The following DTNB variants were observed in gnomAD, a reference collection of about 807,000 sequenced individuals.
DTNB encodes the protein dystrobrevin beta, also known as DTN-B.
DTNB carries 63 observed loss-of-function variants against 90.7 expected under a neutral mutation model. That is an observed-to-expected ratio of 0.69 (90% confidence interval 0.57 to 0.86). The LOEUF (loss-of-function observed/expected upper bound fraction) is 0.86, where lower values mean the gene tolerates loss of function less well. Ranked by LOEUF, DTNB falls within the 40% of genes least tolerant of loss-of-function variation. The pLI is 0.00. For missense variants in DTNB, 744 were observed against 807.1 expected (o/e 0.92, Z 0.95); for synonymous variants, 277 against 286.7 (o/e 0.97, Z 0.34).
chr2:25,602,248 C>T (rs1358970811), intron 5 of DTNB, among the ~76,000 whole-genome samples: 1 of 152,180 alleles, frequency 6.6e-6, no homozygotes, highest in African/African-American at 2.4e-5. Flanking sequence ...CAGGAACCAC[C>T]TGAGACAAGG....
At chr2:25,491,834 A>G (rs2067573028) in intron 9 of DTNB, among the ~76,000 whole-genome samples, 1 of 151,930 alleles carries the variant, frequency 6.6e-6, no homozygotes. Flanking sequence ...AACATTTTCC[A>G]TGGATTCACT....
At chr2:25,507,526 G>A (rs2150637724) in intron 9 of DTNB, among the ~76,000 whole-genome samples, 1 of 152,196 alleles carries the variant, frequency 6.6e-6, no homozygotes, top group African/African-American at 2.4e-5. Flanking sequence ...TCACTCTCCA[G>A]TATTTGTCAG....
intron 16 of DTNB, among the ~76,000 whole-genome samples, chr2:25,403,009 T>C (rs1281547639): frequency 6.6e-6 from 1 of 152,164 alleles, no homozygotes; most frequent in Non-Finnish European, 1.5e-5. Context: ...AAAAAGAAAA[T>C]TGGAAAGTAA....
At chr2:25,544,434 A>G (rs1156345093) in intron 8 of DTNB, among the ~76,000 whole-genome samples, 3 of 152,238 alleles carry the variant, frequency 2.0e-5, no homozygotes, top group South Asian at 2.1e-4. Flanking sequence ...CATTGGGAAC[A>G]TAACAGCCTA....
At chr2:25,496,961 AG>A (rs1319717235) in intron 9 of DTNB, among the ~76,000 whole-genome samples, 2 of 152,226 alleles carry the variant, frequency 1.3e-5, no homozygotes, top group African/African-American at 4.8e-5. Context: ...CCAGTGCTTA[AG>A]GTGGCAAAAA....
intron 2 of DTNB, among the ~76,000 whole-genome samples, chr2:25,646,071 C>G (rs2079368720): frequency 6.6e-6 from 1 of 152,160 alleles, no homozygotes; most frequent in Non-Finnish European, 1.5e-5. Context: ...AGCCAGGGCT[C>G]TTTTAAAATT....
chr2:25,470,768 C>A (rs545677839), intron 10 of DTNB, among the ~76,000 whole-genome samples: 1 of 152,222 alleles, frequency 6.6e-6, no homozygotes, highest in South Asian at 2.1e-4. Flanking sequence ...TATAACAGTA[C>A]TCTAAATGCC....
At chr2:25,586,285 C>A (rs1035273911) in intron 6 of DTNB, among the ~76,000 whole-genome samples, 1 of 151,428 alleles carries the variant, frequency 6.6e-6, no homozygotes, top group African/African-American at 2.4e-5. Flanking sequence ...CTGAGGCAGG[C>A]GGATCACTTG....
chr2:25,447,292 T>C (rs1344781516), intron 12 of DTNB, among the ~76,000 whole-genome samples: 1 of 152,220 alleles, frequency 6.6e-6, no homozygotes, highest in Admixed American at 6.5e-5. Flanking sequence ...AGCAGAAATT[T>C]ATACTGTGCT....
intron 8 of DTNB, among the ~76,000 whole-genome samples, chr2:25,560,916 TA>T (rs2058164500): frequency 1.3e-5 from 2 of 152,180 alleles, no homozygotes; most frequent in South Asian, 4.1e-4. Flanking sequence ...ATATATCTGT[TA>T]ATACATATGT....
At chr2:25,628,887 C>T (rs1407367515) in intron 3 of DTNB, among the ~76,000 whole-genome samples, 1 of 152,180 alleles carries the variant, frequency 6.6e-6, no homozygotes, top group Non-Finnish European at 1.5e-5. Flanking sequence ...CTCTGAACAA[C>T]TCATAGCTCA....
intron 8 of DTNB, among the ~76,000 whole-genome samples, chr2:25,550,491 T>C (rs1310527664): frequency 6.6e-6 from 1 of 152,250 alleles, no homozygotes; most frequent in Non-Finnish European, 1.5e-5. Flanking sequence ...TTCAATTCTT[T>C]TGAAGACCAT....
chr2:25,503,821 G>C (rs1054023899), intron 9 of DTNB, among the ~76,000 whole-genome samples: 1 of 151,986 alleles, frequency 6.6e-6, no homozygotes, highest in Non-Finnish European at 1.5e-5. Context: ...GGAGGCTGAG[G>C]CAGGAGAATG....
intron 19 of DTNB, among the ~76,000 whole-genome samples, chr2:25,381,196 CATGTGCGTGTGCGTGT>C (rs1330497205): frequency 6.6e-6 from 1 of 151,958 alleles, no homozygotes; most frequent in East Asian, 1.9e-4. Context: ...TGTGCATGTG[CATGTGCGTGTGCGTGT>C]GTGTGCGCGT....
At chr2:25,438,031 A>G (rs995949698) in intron 12 of DTNB, among the ~76,000 whole-genome samples, 3 of 152,202 alleles carry the variant, frequency 2.0e-5, no homozygotes, top group Non-Finnish European at 2.9e-5. Context: ...CAGAGACTCA[A>G]TGAAGTGAGG....
At chr2:25,490,392 A>C (rs1296398557) in intron 9 of DTNB, among the ~76,000 whole-genome samples, 3 of 152,166 alleles carry the variant, frequency 2.0e-5, no homozygotes, top group Non-Finnish European at 4.4e-5. Flanking sequence ...ATTTACTACT[A>C]GTCAAGAGTG....
intron 16 of DTNB, among the ~76,000 whole-genome samples, chr2:25,397,506 C>T (rs770941328): frequency 5.4e-4 from 82 of 152,204 alleles, no homozygotes; most frequent in Non-Finnish European, 8.7e-4. Flanking sequence ...GGGCTGGTTT[C>T]GAGTTTGCCT....
intron 18 of DTNB, among the ~76,000 whole-genome samples, chr2:25,384,436 T>C (rs2038876146): frequency 6.6e-6 from 1 of 152,154 alleles, no homozygotes; most frequent in African/African-American, 2.4e-5. Context: ...ACAGATGCCT[T>C]GTGCTCTGCA....
intron 4 of DTNB, among the ~76,000 whole-genome samples, chr2:25,621,947 G>A (rs1017028774): frequency 6.6e-6 from 1 of 151,752 alleles, no homozygotes; most frequent in Non-Finnish European, 1.5e-5. Flanking sequence ...TTTAAATGAT[G>A]TGTTCAATAC....
Sources: allele counts gnomAD v4.1 joint callset (sites outside exome capture counted in the v4.1 genomes callset), GRCh38; gene constraint gnomAD v4.1.1; transcripts MANE v1.5; gene names NCBI Gene and HGNC (gene_info 2026-07-23, HGNC 2026-07-21).